IP6K1: variants seen among roughly 807,000 people sequenced by gnomAD.
The protein encoded by IP6K1 is ATP:1D-myo-inositol-hexakisphosphate phosphotransferase.
A neutral mutation model predicts 38.3 loss-of-function variants in IP6K1; 13 were observed. The ratio of observed to expected loss-of-function variants is 0.34; its 90% CI spans 0.22 to 0.54. The LOEUF (loss-of-function observed/expected upper bound fraction) is 0.54, where lower values mean the gene tolerates loss of function less well. IP6K1 is among the 20% of genes least tolerant of loss of function. The probability of loss-of-function intolerance (pLI) is 0.92; values close to 1 mark genes in which losing one functional copy is unlikely to be tolerated. For synonymous variants in IP6K1, 212 were observed against 229.9 expected (o/e 0.92, Z 0.70); for missense variants, 397 against 599.8 (o/e 0.66, Z 3.53).
intron 1 of IP6K1, among the ~76,000 whole-genome samples, chr3:49,782,420 T>C: frequency 6.6e-6 from 1 of 152,022 alleles, no homozygotes; most frequent in East Asian, 1.9e-4. Flanking sequence ...CCGCCCACCT[T>C]GGCCTCCCAC....
chr3:49,783,595 C>A (rs989032943), intron 1 of IP6K1, among the ~76,000 whole-genome samples: 20 of 151,914 alleles, frequency 1.3e-4, no homozygotes, highest in African/African-American at 4.8e-4. Context: ...TGCCTATAGT[C>A]CCAGCTATTT....
chr3:49,757,785 GTCAC>G (rs751309461), intron 1 of IP6K1, among the ~76,000 whole-genome samples: 13 of 152,168 alleles, frequency 8.5e-5, no homozygotes, highest in Non-Finnish European at 1.8e-4. Flanking sequence ...AAAAGCTCTT[GTCAC>G]TCACGCTAAT....
intron 3 of IP6K1, among the ~76,000 whole-genome samples, chr3:49,736,418 T>C (rs998694157): frequency 2.6e-5 from 4 of 152,158 alleles, no homozygotes; most frequent in Non-Finnish European, 5.9e-5. Context: ...AACCTACCTT[T>C]TCTCTCTATA....
chr3:49,730,539 G>C (rs1243112121), intron 4 of IP6K1, among the ~76,000 whole-genome samples: 1 of 152,070 alleles, frequency 6.6e-6, no homozygotes, highest in Non-Finnish European at 1.5e-5. Flanking sequence ...GAAAAAGCTG[G>C]ATTTACATTT....
At chr3:49,765,877 TA>T (rs927957417) in intron 1 of IP6K1, among the ~76,000 whole-genome samples, 6 of 143,162 alleles carry the variant, frequency 4.2e-5, no homozygotes, top group African/African-American at 1.0e-4. Context: ...ACCCCATATC[TA>T]AAAAAAAAAC....
chr3:49,755,096 C>CA (rs2080810852), intron 1 of IP6K1, among the ~76,000 whole-genome samples: 2 of 111,942 alleles, frequency 1.8e-5, no homozygotes, highest in Admixed American at 9.6e-5. Flanking sequence ...CCAAGCCTGG[C>CA]TTTTTTTTTT....
chr3:49,784,718 G>A (rs932122238), intron 1 of IP6K1, among the ~76,000 whole-genome samples: 5 of 151,036 alleles, frequency 3.3e-5, no homozygotes, highest in Admixed American at 2.6e-4. Context: ...AGGCGGAGGC[G>A]GGTTGATCAT....
chr3:49,760,286 C>A (rs1197968923), intron 1 of IP6K1, among the ~76,000 whole-genome samples: 1 of 152,112 alleles, frequency 6.6e-6, no homozygotes, highest in Non-Finnish European at 1.5e-5. Context: ...GGGGACTAAC[C>A]TTCACCTACG....
intron 1 of IP6K1, among the ~76,000 whole-genome samples, chr3:49,770,948 C>CA (rs774103713): frequency 6.5e-4 from 99 of 151,374 alleles, no homozygotes; most frequent in African/African-American, 1.8e-3. Context: ...TCCGTTGCTA[C>CA]AAAAAATTTT....
intron 2 of IP6K1, among the ~76,000 whole-genome samples, chr3:49,742,409 C>G (rs775435147): frequency 6.6e-6 from 1 of 152,008 alleles, no homozygotes; most frequent in Non-Finnish European, 1.5e-5. Flanking sequence ...ATTAGCCGGG[C>G]GTGGTGGTAC....
chr3:49,740,974 G>C (rs1197293547), intron 2 of IP6K1, among the ~76,000 whole-genome samples: 1 of 151,410 alleles, frequency 6.6e-6, no homozygotes, highest in Non-Finnish European at 1.5e-5. Context: ...TCAGCCTCCT[G>C]AGGAGCGGGG....
At chr3:49,734,514 C>G (rs1559702741) in intron 3 of IP6K1, among the ~76,000 whole-genome samples, 1 of 148,246 alleles carries the variant, frequency 6.7e-6, no homozygotes, top group African/African-American at 2.5e-5. Context: ...ATAAGTCGCA[C>G]AGATTCAAGC....
chr3:49,745,714 G>A (rs1575311958), intron 2 of IP6K1, among the ~76,000 whole-genome samples: 1 of 150,058 alleles, frequency 6.7e-6, no homozygotes, highest in East Asian at 2.0e-4. Flanking sequence ...ATTTAGTTAG[G>A]CGTGGTGGCA....
chr3:49,780,309 T>TACACACACACACACACAC (rs71080553), intron 1 of IP6K1, among the ~76,000 whole-genome samples: 6,598 of 117,526 alleles, frequency 0.056, 501 homozygotes, highest in South Asian at 0.091. Context: ...TCATCTTTCA[T>TACACACACACACACACAC]ACACACACAC....
chr3:49,732,583 C>A (rs1301901937), intron 4 of IP6K1, among the ~76,000 whole-genome samples: 1 of 152,142 alleles, frequency 6.6e-6, no homozygotes, highest in Non-Finnish European at 1.5e-5. Context: ...TTCTAGACTG[C>A]CAAGTTTTAA....
chr3:49,732,776 G>T lies in IP6K1; in HGVS notation c.616+15C>A. 6.2e-7 allele frequency: 1 copy of T among 1,602,362 alleles called. No individual in the cohort carries two copies. The highest frequency in any genetic ancestry group is 1.1e-5 in the South Asian group (1 of 90,226). On this transcript the variant is annotated intron_variant, in intron 4 of 5. Coordinates refer to ENST00000321599, the MANE Select transcript of IP6K1 (RefSeq NM_153273.4). ...GACCCAGTAGACACTCCTGAAGGAG[G>T]GGCAACGAGGATACTGTAGAGCTTT...
chr3:49,763,757 T>G (rs958634674), intron 1 of IP6K1, among the ~76,000 whole-genome samples: 2 of 152,202 alleles, frequency 1.3e-5, no homozygotes, highest in Non-Finnish European at 2.9e-5. Context: ...GGCTCACGCC[T>G]GTAATCCTAA....
chr3:49,728,187 C>G lies in IP6K1; in HGVS notation c.708G>C (p.Ala236=), dbSNP rs760260548. The G allele has an allele frequency of 6.2e-7, 1 of 1,614,156 alleles. No individual in the cohort carries two copies. Among genetic ancestry groups the G allele is most frequent in the East Asian group, 2.2e-5 (1 of 44,890 alleles). Reference sequence around the variant, plus strand: ...TCTGCCGGGCTGCCTTCTCAGCTGACGCGTCATCGCCATGCTGCCGCGTGC... The same window carrying G: ...TCTGCCGGGCTGCCTTCTCAGCTGAGGCGTCATCGCCATGCTGCCGCGTGC... ...KMGTRQHGDD[A]SAEKAARQMR... The change falls in exon 5 of 6, where the codon GCG becomes GCC. Residue 236 remains alanine (A), a synonymous_variant. Transcript: ENST00000321599.
At chr3:49,731,902 A>AAAAAAAAAAAAAAAAAAAAAAC (rs2080565863) in intron 4 of IP6K1, among the ~76,000 whole-genome samples, 1 of 149,466 alleles carries the variant, frequency 6.7e-6, no homozygotes, top group East Asian at 1.9e-4. Context: ...AAAAAAAAAA[A>AAAAAAAAAAAAAAAAAAAAAAC]AAAGGAATTC....
Sources: gnomAD v4.1 joint callset for allele counts (sites outside exome capture counted in the v4.1 genomes callset) on GRCh38, gnomAD v4.1.1 for gene constraint, MANE v1.5 for transcripts, NCBI Gene and HGNC (gene_info 2026-07-23, HGNC 2026-07-21) for gene names.